SUGCT: variants seen among roughly 807,000 people sequenced by gnomAD.
The protein encoded by SUGCT is succinyl-CoA:glutarate CoA-transferase.
SUGCT carries 41 observed loss-of-function variants against 55.0 expected under a neutral mutation model. The observed-to-expected ratio is 0.74, with a 90% CI of 0.58 to 0.97. The LOEUF is 0.97. Among genes scored for constraint, SUGCT ranks in the 50% least tolerant of loss-of-function variants. The pLI is 0.00. For synonymous variants in SUGCT, 187 were observed against 200.4 expected, an observed-to-expected ratio of 0.93 and a Z score of 0.56; for missense variants, 568 against 547.8, an observed-to-expected ratio of 1.04 and a Z score of -0.37.
intron 11 of SUGCT, among the ~76,000 whole-genome samples, chr7:40,489,558 G>A (rs916068215): frequency 5.9e-5 from 9 of 152,094 alleles, no homozygotes; most frequent in African/African-American, 2.2e-4. Context: ...GTGCATGCCT[G>A]TAGTCCCAGC....
At chr7:40,710,750 A>G (rs1291541829) in intron 12 of SUGCT, among the ~76,000 whole-genome samples, 2 of 152,208 alleles carry the variant, frequency 1.3e-5, no homozygotes, top group Non-Finnish European at 2.9e-5. Context: ...TTACTGAAAG[A>G]TCAACCCCAG....
At chr7:40,388,131 C>T (rs1785223361) in intron 9 of SUGCT, 1 of 152,168 alleles carries the variant, frequency 6.6e-6, no homozygotes, top group Non-Finnish European at 1.5e-5. Context: ...ATCTAATAAA[C>T]ATTACCACAA....
chr7:40,423,463 T>G (rs1787420190), intron 9 of SUGCT, among the ~76,000 whole-genome samples: 2 of 152,152 alleles, frequency 1.3e-5, no homozygotes, highest in Non-Finnish European at 2.9e-5. Context: ...ATTATATAAC[T>G]TTGCTTTACA....
chr7:40,276,825 C>G (rs1047003752), intron 8 of SUGCT, among the ~76,000 whole-genome samples: 6 of 149,580 alleles, frequency 4.0e-5, no homozygotes, highest in African/African-American at 1.5e-4. Flanking sequence ...GTGTGTCTGT[C>G]TGTCTGTCTG....
chr7:40,442,904 G>A (rs1788597470), intron 9 of SUGCT, among the ~76,000 whole-genome samples: 1 of 152,202 alleles, frequency 6.6e-6, no homozygotes, highest in African/African-American at 2.4e-5. Flanking sequence ...CCCAGTGTGT[G>A]ATGCTCTCCA....
At chr7:40,670,266 G>A (rs1801872379) in intron 12 of SUGCT, among the ~76,000 whole-genome samples, 1 of 150,062 alleles carries the variant, frequency 6.7e-6, no homozygotes, top group South Asian at 2.1e-4. Context: ...AAAAAGCAGA[G>A]CAAAATAAAA....
chr7:40,986,285 T>C, the SUGCT span, among the ~76,000 whole-genome samples: 1 of 152,236 alleles, frequency 6.6e-6, no homozygotes, highest in South Asian at 2.1e-4. Context: ...AATCAGAATA[T>C]GTGAATGTGG....
chr7:40,584,062 A>G (rs1391319995), intron 12 of SUGCT, among the ~76,000 whole-genome samples: 1 of 152,184 alleles, frequency 6.6e-6, no homozygotes, highest in African/African-American at 2.4e-5. Flanking sequence ...CAGTCAAGAA[A>G]AGGTCATACA....
intron 9 of SUGCT, among the ~76,000 whole-genome samples, chr7:40,348,170 G>A (rs1006021464): frequency 1.3e-5 from 2 of 152,240 alleles, no homozygotes; most frequent in African/African-American, 4.8e-5. Flanking sequence ...TACAGACTGG[G>A]GTAATTATAG....
At position 40,836,530 on chromosome 7, in the gene SUGCT, A is replaced by T. The variant is rs555063611; in HGVS notation, c.1154-23786A>T. Among the ~76,000 whole-genome samples, 3 of 152,272 alleles carry T rather than the reference A, an allele frequency of 2.0e-5. No individual in the cohort carries two copies. In the East Asian group the frequency reaches 5.8e-4, roughly 29 times the overall value. ...TTATCATACACGTAGATCCTTGTGA[A>T]TATACCCGTGATCAATGTATAGAAC... On this transcript the variant is annotated intron_variant, in intron 13 of 13. Coordinates refer to ENST00000335693, the MANE Select transcript of SUGCT (RefSeq NM_001193313.2).
In SUGCT at chr7:40,821,114, C is replaced by G. The variant is rs190319303; in HGVS notation, c.1154-39202C>G. ...CAACCTTGCATCCCAGGGATGAAGC[C>G]CACTTGATCATGGTTGATAAGCTTT... On this transcript the variant is annotated intron_variant, in intron 13 of 13. Coordinates refer to ENST00000335693, the MANE Select transcript of SUGCT (RefSeq NM_001193313.2). Among the ~76,000 whole-genome samples, 221 of 152,258 alleles carry G rather than the reference C, an allele frequency of 1.5e-3. 1 individual carries two copies. The highest frequency in any genetic ancestry group is 5.1e-3 in the African/African-American group (213 of 41,544).
intron 12 of SUGCT, among the ~76,000 whole-genome samples, chr7:40,659,112 T>C (rs1451999535): frequency 1.3e-5 from 2 of 152,216 alleles, no homozygotes; most frequent in Admixed American, 6.5e-5. Flanking sequence ...AGGCAGGCTT[T>C]CTCTGATGTT....
chr7:40,586,142 G>T (rs1297193034), intron 12 of SUGCT, among the ~76,000 whole-genome samples: 1 of 152,044 alleles, frequency 6.6e-6, no homozygotes, highest in Non-Finnish European at 1.5e-5. Flanking sequence ...CACAGAATAG[G>T]AGCTCAGTCG....
At chr7:40,597,494 C>CCTACCAAAAAAA (rs1303126190) in intron 12 of SUGCT, among the ~76,000 whole-genome samples, 4 of 152,104 alleles carry the variant, frequency 2.6e-5, no homozygotes, top group Non-Finnish European at 4.4e-5. Flanking sequence ...GTCATCAGTG[C>CCTACCAAAAAAA]TGTTTACCAA....
intron 12 of SUGCT, among the ~76,000 whole-genome samples, chr7:40,715,945 G>A (rs1218834678): frequency 6.6e-6 from 1 of 152,202 alleles, no homozygotes; most frequent in Admixed American, 6.5e-5. Context: ...TGTAGCGCTT[G>A]TTATTGACTT....
the SUGCT span, among the ~76,000 whole-genome samples, chr7:41,017,957 A>G: frequency 6.6e-6 from 1 of 151,556 alleles, no homozygotes; most frequent in East Asian, 2.0e-4. Flanking sequence ...GGGGAGTTGC[A>G]GGAGACTGAT....
chr7:40,291,054 G>A (rs983840176), intron 8 of SUGCT, among the ~76,000 whole-genome samples: 5 of 152,246 alleles, frequency 3.3e-5, no homozygotes, highest in Admixed American at 6.5e-5. Context: ...TACACTGTTG[G>A]TGGGACTGTA....
the SUGCT span, among the ~76,000 whole-genome samples, chr7:41,013,189 A>T: frequency 6.6e-6 from 1 of 152,336 alleles, no homozygotes; most frequent in Admixed American, 6.5e-5. Context: ...AACTGCGGAA[A>T]TAATACATGA....
intron 9 of SUGCT, among the ~76,000 whole-genome samples, chr7:40,388,764 T>G (rs1007953489): frequency 1.3e-5 from 2 of 152,326 alleles, no homozygotes; most frequent in East Asian, 3.9e-4. Flanking sequence ...GTGAACTTAA[T>G]GTTTTATATT....
Sources: gnomAD v4.1 joint callset for allele counts (sites outside exome capture counted in the v4.1 genomes callset) on GRCh38, gnomAD v4.1.1 for gene constraint, MANE v1.5 for transcripts, NCBI Gene and HGNC (gene_info 2026-07-23, HGNC 2026-07-21) for gene names.